Variants in CEMIP observed in about 807,000 individuals in gnomAD.
CEMIP encodes the protein cell migration-inducing and hyaluronan-binding protein.
CEMIP carries 105 observed loss-of-function variants against 156.9 expected under a neutral mutation model. The ratio of observed to expected loss-of-function variants is 0.67; its 90% CI spans 0.57 to 0.79. The LOEUF (loss-of-function observed/expected upper bound fraction) is 0.79, where lower values mean the gene tolerates loss of function less well. CEMIP is among the 30% of genes least tolerant of loss of function. CEMIP has a pLI of 0.00. For synonymous variants in CEMIP, 676 were observed against 668.4 expected (o/e 1.01, Z -0.17); for missense variants, 1,457 against 1,769.4 (o/e 0.82, Z 3.17).
At chr15:80,802,578 G>T (rs529245851) in intron 1 of CEMIP, among the ~76,000 whole-genome samples, 12 of 152,340 alleles carry the variant, frequency 7.9e-5, no homozygotes, top group Non-Finnish European at 1.5e-4. Flanking sequence ...ATGGGGCGTG[G>T]GCTGGCGAGA....
rs138116851 is a variant in CEMIP at position 80,833,005 on chromosome 15, C to CAG, written c.-175-40519_-175-40518dup. On this transcript the variant is annotated intron_variant, in intron 1 of 29. Coordinates refer to ENST00000394685, the MANE Select transcript of CEMIP (RefSeq NM_001293298.2). ...GCTGTGTTCCAATGGTGAAAGTCCA[C>CAG]AGAGAGAGAGAGAGACCCCAGTGGA... 1.3e-3 allele frequency among the ~76,000 whole-genome samples: 202 copies of CAG among 151,534 alleles called. 1 individual carries two copies. In the Middle Eastern group the frequency reaches 0.017, roughly 13 times the overall value.
Position 80,921,038 on chromosome 15 carries a change from G to A in CEMIP, c.2010G>A (p.Val670=), listed in dbSNP as rs1900452748. Residue 670 remains valine, a synonymous_variant, in exon 16 of 30, where the codon GTG becomes GTA. Transcript: ENST00000394685. ...ATCTCTGCCCTCCCTGCAGTGCTGT[G>A]TCCACCTTCTGGATGGCCAATCCCA... ...IPKPRQDCNA[V]STFWMANPNN... 1 of 1,614,140 alleles carries A rather than the reference G, an allele frequency of 6.2e-7. No homozygotes were observed. Among genetic ancestry groups the A allele is most frequent in the Middle Eastern group, 1.6e-4 (1 of 6,062 alleles).
chr15:80,929,289 G>C, intron 21 of CEMIP, 115 bp downstream of exon 21: 1 of 1,293,802 alleles, frequency 7.7e-7, no homozygotes, highest in Admixed American at 1.7e-5. Context: ...TCTTCTACCA[G>C]CCAGAGGAAT....
At chr15:80,829,990 G>GTGTGAT (rs1555428894) in intron 1 of CEMIP, among the ~76,000 whole-genome samples, 1 of 149,286 alleles carries the variant, frequency 6.7e-6, no homozygotes, top group South Asian at 2.1e-4. Flanking sequence ...GTGTGTGTGT[G>GTGTGAT]TGTGTGTGTG....
chr15:80,798,318 G>A (rs746369004), intron 1 of CEMIP, among the ~76,000 whole-genome samples: 16 of 151,910 alleles, frequency 1.1e-4, no homozygotes, highest in East Asian at 3.9e-4. Context: ...TTTCAAAGTC[G>A]TCTTTTTAAT....
chr15:80,926,664 G>A (rs1900683592), intron 19 of CEMIP, among the ~76,000 whole-genome samples: 1 of 152,104 alleles, frequency 6.6e-6, no homozygotes, highest in Admixed American at 6.6e-5. Context: ...AGATGCTTGA[G>A]AGACAGAGAA....
At chr15:80,873,835 A>C (rs766401216) in intron 2 of CEMIP, 29 bp from the exon 3 acceptor site, 7 of 1,506,276 alleles carry the variant, frequency 4.6e-6, no homozygotes, top group Non-Finnish European at 6.3e-6. Context: ...CCAAGGCTGC[A>C]TGTCTGACTC....
chr15:80,936,686 G>A lies in CEMIP; in HGVS notation c.3022G>A (p.Ala1008Thr), dbSNP rs1337172925. 1 of 1,613,812 alleles carries A rather than the reference G, an allele frequency of 6.2e-7. No homozygotes were observed. The highest frequency in any genetic ancestry group is 1.3e-5 in the African/African-American group (1 of 75,046). The stretch of plus-strand genomic sequence containing the variant: ...TGGGTTTTAAAAGATGTACATTCAA[G>A]CCTACAAGACCAGTAACCTGCGAAT... Reference protein sequence around the residue: ...SGCYAQMYIQAYKTSNLRMKI... With the variant: ...SGCYAQMYIQTYKTSNLRMKI... Residue 1008 changes from alanine to threonine, a missense_variant, in exon 24 of 30, where the codon GCC becomes ACC. By Grantham distance (58) the Ala-to-Thr change is moderately conservative. Transcript: ENST00000394685.
intron 1 of CEMIP, among the ~76,000 whole-genome samples, chr15:80,787,260 T>C (rs1895963613): frequency 1.3e-5 from 2 of 152,246 alleles, no homozygotes; most frequent in Non-Finnish European, 2.9e-5. Context: ...ATATGAATTA[T>C]TGAAGATGGT....
At chr15:80,809,010 G>C (rs1596103786) in intron 1 of CEMIP, among the ~76,000 whole-genome samples, 1 of 152,300 alleles carries the variant, frequency 6.6e-6, no homozygotes, top group African/African-American at 2.4e-5. Flanking sequence ...ACAAGAGTAA[G>C]TTATTGATTT....
chr15:80,848,569 T>A (rs903735744), intron 1 of CEMIP, among the ~76,000 whole-genome samples: 3 of 152,126 alleles, frequency 2.0e-5, no homozygotes, highest in African/African-American at 4.8e-5. Flanking sequence ...GTTCACATCG[T>A]CCCATTTATG....
intron 21 of CEMIP, among the ~76,000 whole-genome samples, chr15:80,930,667 G>A (rs1019858765): frequency 6.6e-6 from 1 of 152,172 alleles, no homozygotes; most frequent in Non-Finnish European, 1.5e-5. Context: ...AATGCAAGGA[G>A]TCTTTGGTGC....
intron 3 of CEMIP, among the ~76,000 whole-genome samples, chr15:80,878,363 G>A (rs746710320): frequency 2.0e-5 from 3 of 152,198 alleles, no homozygotes; most frequent in Admixed American, 6.5e-5. Context: ...CTTTCCAGAA[G>A]ACAGAATGTC....
chr15:80,833,673 C>CTTTTTTTTTTT (rs34449516), intron 1 of CEMIP, among the ~76,000 whole-genome samples: 1 of 132,784 alleles, frequency 7.5e-6, no homozygotes. Context: ...TTTTTTTTTT[C>CTTTTTTTTTTT]TTTTTTTTTT....
chr15:80,870,292 T>A (rs1898244871), intron 1 of CEMIP, among the ~76,000 whole-genome samples: 1 of 152,162 alleles, frequency 6.6e-6, no homozygotes. Context: ...AACTTCCAGG[T>A]CACCCTGCAG....
chr15:80,790,631 G>GT (rs1567048366), intron 1 of CEMIP, among the ~76,000 whole-genome samples: 1 of 152,148 alleles, frequency 6.6e-6, no homozygotes, highest in African/African-American at 2.4e-5. Flanking sequence ...CTATGTCACC[G>GT]TGAGTCCAAA....
chr15:80,913,305 C>G (rs988917029), intron 14 of CEMIP, among the ~76,000 whole-genome samples: 1 of 152,244 alleles, frequency 6.6e-6, no homozygotes, highest in Non-Finnish European at 1.5e-5. Context: ...ACAAATGTGG[C>G]CTTCTCAACT....
rs34449516 is a variant in CEMIP at position 80,833,673 on chromosome 15, C to CT, written c.-175-39851dup. On this transcript the variant is annotated intron_variant, in intron 1 of 29. Transcript: ENST00000394685. Reference sequence around the variant, plus strand: ...AGCAGCAGTACTGTCTTTTTTTTTTCTTTTTTTTTTTTTTGGACAGAGTCT... The same window carrying CT: ...AGCAGCAGTACTGTCTTTTTTTTTTCTTTTTTTTTTTTTTTGGACAGAGTCT... Among the ~76,000 whole-genome samples the CT allele has an allele frequency of 4.4e-3, 588 of 132,726 alleles. 1 individual carries two copies. Among genetic ancestry groups the CT allele is most frequent in the Non-Finnish European group, 5.2e-3 (323 of 62,202 alleles). 87.1% of individuals were successfully genotyped at this position (132,726 alleles called of 152,430 possible).
chr15:80,878,263 AG>A (rs2141821463), intron 3 of CEMIP, among the ~76,000 whole-genome samples: 1 of 152,374 alleles, frequency 6.6e-6, no homozygotes, highest in East Asian at 1.9e-4. Context: ...TATCTTTCTC[AG>A]GTTTCCAGGG....
Sources: allele counts gnomAD v4.1 joint callset (sites outside exome capture counted in the v4.1 genomes callset), GRCh38; gene constraint gnomAD v4.1.1; transcripts MANE v1.5; gene names NCBI Gene and HGNC (gene_info 2026-07-23, HGNC 2026-07-21).